The following WDR33 variants were observed in gnomAD, a reference collection of about 807,000 sequenced individuals.
WDR33 encodes WD repeat domain 33.
A neutral mutation model predicts 164.9 loss-of-function variants in WDR33; 47 were observed. That is an observed-to-expected ratio of 0.29 (90% confidence interval 0.23 to 0.36). The LOEUF is 0.36. Ranked by LOEUF, WDR33 falls within the 10% of genes least tolerant of loss-of-function variation. The pLI is 1.00. For missense variants in WDR33, 1,137 were observed against 1,754.1 expected (o/e 0.65, Z 6.28); for synonymous variants, 505 against 589.0 (o/e 0.86, Z 2.06).
intron 1 of WDR33, among the ~76,000 whole-genome samples, chr2:127,772,546 T>A (rs1046939101): frequency 1.3e-5 from 2 of 152,328 alleles, no homozygotes; most frequent in Non-Finnish European, 2.9e-5. Context: ...TTGACTTTTG[T>A]TCTTTTAAAT....
Position 127,763,441 on chromosome 2 carries a change from T to G in WDR33, c.627-282A>C. On this transcript the variant is annotated intron_variant, in intron 6 of 21. Coordinates refer to ENST00000322313, the MANE Select transcript of WDR33 (RefSeq NM_018383.5). This position sits in a 1 kb window ranked among gnomAD's most constrained non-coding sequence, Gnocchi z 4.5. ...CTATCCATGTTCCTTCTCTATTTTCTATGATACGAGGAAATCACATGAAGC... is the reference window on the plus strand; with the variant it reads ...CTATCCATGTTCCTTCTCTATTTTCGATGATACGAGGAAATCACATGAAGC... 8.7e-7 allele frequency: 1 copy of G among 1,151,778 alleles called. No homozygotes were observed. Among genetic ancestry groups the G allele is most frequent in the Non-Finnish European group, 1.1e-6 (1 of 932,360 alleles). 71.3% of individuals were successfully genotyped at this position (1,151,778 alleles called of 1,614,324 possible).
At chr2:127,788,366 G>A (rs1688689023) in intron 1 of WDR33, among the ~76,000 whole-genome samples, 1 of 114,240 alleles carries the variant, frequency 8.8e-6, no homozygotes, top group African/African-American at 3.7e-5. Flanking sequence ...CCCAGTAGGG[G>A]CGGCCGGGCA....
Position 127,722,945 on chromosome 2 carries a change from T to C in WDR33, c.1378+13A>G. 1 of 1,592,134 alleles carries C rather than the reference T, an allele frequency of 6.3e-7. No homozygotes were observed. Among genetic ancestry groups the C allele is most frequent in the African/African-American group, 1.4e-5 (1 of 73,726 alleles). On this transcript the variant is annotated intron_variant, in intron 13 of 21. Coordinates refer to ENST00000322313, the MANE Select transcript of WDR33 (RefSeq NM_018383.5). The surrounding 1 kb of genome is among the most constrained non-coding windows in gnomAD (Gnocchi z 5.1). The stretch of plus-strand genomic sequence containing the variant: ...TTTGTAAAAATTAAATGTGTCTGTG[T>C]AACTTCTCTTACCCATCTGTTCTTG...
Position 127,764,179 on chromosome 2 carries a change from A to C in WDR33, c.626+649T>G. 9.8e-7 allele frequency: 1 copy of C among 1,024,802 alleles called. No individual in the cohort carries two copies. Among genetic ancestry groups the C allele is most frequent in the South Asian group, 4.3e-5 (1 of 23,154 alleles). The allele number at this position is 1,024,802 out of a possible 1,614,324, so 63.5% of individuals were successfully genotyped here. ...ATATACAACTCACTGAAAATATTTT[A>C]AACTCCACTTATTGTATACATTTGC... On this transcript the variant is annotated intron_variant, in intron 6 of 21. Transcript: ENST00000322313. The surrounding 1 kb of genome is among the most constrained non-coding windows in gnomAD (Gnocchi z 6.2).
At chr2:127,768,147 G>A (rs371170954) in intron 4 of WDR33, 42 bp downstream of exon 4, 35 of 1,267,484 alleles carry the variant, frequency 2.8e-5, no homozygotes, top group Admixed American at 7.4e-5. Flanking sequence ...GCTATATAAC[G>A]CAGGATTAAT....
intron 1 of WDR33, among the ~76,000 whole-genome samples, chr2:127,787,935 A>T (rs1573461781): frequency 5.3e-5 from 2 of 37,800 alleles, no homozygotes; most frequent in East Asian, 1.1e-3. Flanking sequence ...CTGGCCGGGC[A>T]GAGGGGCTCC....
chr2:127,776,898 C>T (rs952049477), intron 1 of WDR33, among the ~76,000 whole-genome samples: 2 of 152,172 alleles, frequency 1.3e-5, no homozygotes, highest in African/African-American at 2.4e-5. Context: ...GAAAGCAGAG[C>T]TTTGTCCTTT....
At chr2:127,771,784 G>A (rs1381787804) in intron 1 of WDR33, among the ~76,000 whole-genome samples, 2 of 145,488 alleles carry the variant, frequency 1.4e-5, no homozygotes, top group African/African-American at 5.0e-5. Context: ...TTGGAAAGAA[G>A]GAAGGAGGGA....
rs1226626254 is a variant in WDR33, at chr2:127,714,347, C to T, written c.2870-326G>A. ...TCAGAAGGAGCTTCCTTTGTCTGCC[C>T]CTATTCTTTCAGGCATTTCATTAGG... On this transcript the variant is annotated intron_variant, in intron 17 of 21. Transcript: ENST00000322313. This position sits in a 1 kb window ranked among gnomAD's most constrained non-coding sequence, Gnocchi z 4.3. 6.6e-6 allele frequency among the ~76,000 whole-genome samples: 1 copy of T among 152,132 alleles called. No homozygotes were observed. Among genetic ancestry groups the T allele is most frequent in the Admixed American group, 6.5e-5 (1 of 15,284 alleles).
intron 1 of WDR33, among the ~76,000 whole-genome samples, chr2:127,787,002 C>T (rs376850752): frequency 0.022 from 2,586 of 115,640 alleles, 122 homozygotes; most frequent in African/African-American, 0.082. Context: ...GAGGACCCTG[C>T]GGCCTTCCGC....
chr2:127,735,823 CAA>C lies in WDR33; in HGVS notation c.725-9048_725-9047del. Reference sequence around the variant, plus strand: ...ATTAGTATTTTACCTTCCTTTAATGCAAAATGATTTCACCACAACCCAACAGT... The same window carrying C: ...ATTAGTATTTTACCTTCCTTTAATGCAATGATTTCACCACAACCCAACAGT... On this transcript the variant is annotated intron_variant, in intron 7 of 21. Transcript: ENST00000322313. The surrounding 1 kb of genome is among the most constrained non-coding windows in gnomAD (Gnocchi z 4.3). 4 of 985,410 alleles carry C rather than the reference CAA, an allele frequency of 4.1e-6. No homozygotes were observed. The highest frequency in any genetic ancestry group is 4.8e-6 in the Non-Finnish European group (4 of 829,914). 61.0% of individuals were successfully genotyped at this position (985,410 alleles called of 1,614,324 possible).
chr2:127,775,155 T>C (rs541128396), intron 1 of WDR33, among the ~76,000 whole-genome samples: 1 of 152,240 alleles, frequency 6.6e-6, no homozygotes, highest in East Asian at 1.9e-4. Flanking sequence ...GCGACTTTTA[T>C]CTCAATTAAA....
At position 127,714,149 on chromosome 2, in the gene WDR33, CTTAG is replaced by C. The variant is rs1433063937; in HGVS notation, c.2870-132_2870-129del. The C allele has an allele frequency of 1.8e-6, 2 of 1,125,998 alleles. No homozygotes were observed. Among genetic ancestry groups the C allele is most frequent in the African/African-American group, 3.2e-5 (2 of 62,716 alleles). The allele number at this position is 1,125,998 out of a possible 1,614,324, so 69.8% of individuals were successfully genotyped here. The stretch of plus-strand genomic sequence containing the variant: ...AATGTTTTCCCTCCTTGGTTCTCAG[CTTAG>C]TTAGGAGACAAATGTCCCTGAAGCA... On this transcript the variant is annotated intron_variant, in intron 17 of 21. Transcript: ENST00000322313. The surrounding 1 kb of genome is among the most constrained non-coding windows in gnomAD (Gnocchi z 4.3).
intron 1 of WDR33, among the ~76,000 whole-genome samples, chr2:127,787,923 G>A (rs1573461761): frequency 3.6e-5 from 2 of 55,136 alleles, no homozygotes; most frequent in East Asian, 5.9e-4. Flanking sequence ...CGGACGGGGC[G>A]GCTGGCCGGG....
chr2:127,767,795 C>T (rs76754780), intron 4 of WDR33, among the ~76,000 whole-genome samples: 2,182 of 152,244 alleles, frequency 0.014, 66 homozygotes, highest in African/African-American at 0.051. Flanking sequence ...CTAAAAATTA[C>T]GGTACACCAC....
intron 4 of WDR33, among the ~76,000 whole-genome samples, chr2:127,767,496 G>A (rs1038866804): frequency 3.9e-5 from 6 of 152,022 alleles, no homozygotes; most frequent in South Asian, 2.1e-4. Context: ...GGCAGATCAC[G>A]AGGTCAAGAG....
rs1263456737 is a variant in WDR33, at chr2:127,765,839, G to A, written c.379-570C>T. On this transcript the variant is annotated intron_variant, in intron 4 of 21. Coordinates refer to ENST00000322313, the MANE Select transcript of WDR33 (RefSeq NM_018383.5). Reference sequence around the variant, plus strand: ...AGCTCTCCTCCATTCAAAGTACCAAGCAGTGATAACTCTTACGCTGATCTA... The same window carrying A: ...AGCTCTCCTCCATTCAAAGTACCAAACAGTGATAACTCTTACGCTGATCTA... 2.7e-5 allele frequency among the ~76,000 whole-genome samples: 4 copies of A among 146,376 alleles called. No homozygotes were observed. The East Asian group carries it at 7.9e-4, about 29-fold the overall frequency.
Position 127,724,793 on chromosome 2 carries a change from G to A in WDR33, c.1085+94C>T, listed in dbSNP as rs1039305379. The A allele has an allele frequency of 7.3e-7, 1 of 1,373,306 alleles. No individual in the cohort carries two copies. Among genetic ancestry groups the A allele is most frequent in the African/African-American group, 1.4e-5 (1 of 69,764 alleles). 85.1% of individuals were successfully genotyped at this position (1,373,306 alleles called of 1,614,324 possible). On this transcript the variant is annotated intron_variant, in intron 10 of 21. Transcript: ENST00000322313. This position sits in a 1 kb window ranked among gnomAD's most constrained non-coding sequence, Gnocchi z 4.8. ...AAGCAGTCTCTGATATAGGATATAT[G>A]AACACTTAGAAAAGCTACAAAACTA...
At position 127,722,717 on chromosome 2, in the gene WDR33, T is replaced by C. The variant is rs1387146528; in HGVS notation, c.1392A>G (p.Ser464=). The C allele has an allele frequency of 6.2e-7, 1 of 1,613,984 alleles. No individual in the cohort carries two copies. The highest frequency in any genetic ancestry group is 8.5e-7 in the Non-Finnish European group (1 of 1,179,956). The part of the protein sequence containing the change: ...MEQEQMGKDE[S]NEIEMTIPGL... ...CTGGAATTGTCATTTCAATTTCATTTGATTCATCTTTCCCTGTAACCGTAA... is the reference window on the plus strand; with the variant it reads ...CTGGAATTGTCATTTCAATTTCATTCGATTCATCTTTCCCTGTAACCGTAA... Residue 464 remains serine, a synonymous_variant, in exon 14 of 22, where the codon TCA becomes TCG. Transcript: ENST00000322313. The surrounding 1 kb of genome is among the most constrained non-coding windows in gnomAD (Gnocchi z 5.1).
Sources: allele counts gnomAD v4.1 joint callset (sites outside exome capture counted in the v4.1 genomes callset), GRCh38; gene constraint gnomAD v4.1.1; non-coding constraint Gnocchi (gnomAD v3.1); transcripts MANE v1.5; gene names NCBI Gene and HGNC (gene_info 2026-07-23, HGNC 2026-07-21).